RNF212B: variants seen among roughly 807,000 people sequenced by gnomAD.
RNF212B encodes the protein ring finger protein 212B.
A neutral mutation model predicts 55.5 loss-of-function variants in RNF212B; 52 were observed. The ratio of observed to expected loss-of-function variants is 0.94; its 90% CI spans 0.75 to 1.18. The LOEUF (loss-of-function observed/expected upper bound fraction) is 1.18. Among genes scored for constraint, RNF212B ranks in the 50% most tolerant of loss-of-function variants. RNF212B has a pLI of 0.00. For missense variants in RNF212B, 289 were observed against 350.4 expected, an observed-to-expected ratio of 0.82 and a Z score of 1.40; for synonymous variants, 99 against 121.4, an observed-to-expected ratio of 0.82 and a Z score of 1.21.
At chr14:23,263,762 C>T (rs974125553) in intron 9 of RNF212B, among the ~76,000 whole-genome samples, 2 of 152,016 alleles carry the variant, frequency 1.3e-5, no homozygotes, top group African/African-American at 2.4e-5. Context: ...CCAAAAAAAA[C>T]GAGTGTTCTG....
chr14:23,191,348 CAAA>C (rs776652211), intron 1 of RNF212B, among the ~76,000 whole-genome samples: 3 of 48,172 alleles, frequency 6.2e-5, no homozygotes, highest in Non-Finnish European at 1.2e-4. Context: ...GACCCTGTCT[CAAA>C]AAAAAAAAAA....
chr14:23,251,611 T>G (rs1594933954), intron 4 of RNF212B, among the ~76,000 whole-genome samples: 1 of 151,118 alleles, frequency 6.6e-6, no homozygotes, highest in Non-Finnish European at 1.5e-5. Context: ...AGGTCAGGAG[T>G]TCGAGACCAG....
At chr14:23,199,084 G>A (rs1156425358) in intron 2 of RNF212B, among the ~76,000 whole-genome samples, 1 of 152,172 alleles carries the variant, frequency 6.6e-6, no homozygotes, top group Non-Finnish European at 1.5e-5. Context: ...AAAATACTGT[G>A]AACTCTGAAA....
intron 6 of RNF212B, among the ~76,000 whole-genome samples, chr14:23,260,427 CAT>C (rs1023073651): frequency 6.6e-6 from 1 of 152,220 alleles, no homozygotes; most frequent in Admixed American, 6.5e-5. Context: ...TATTTCCCCA[CAT>C]ATGTTAGTCT....
At position 23,239,993 on chromosome 14, in the gene RNF212B, A is replaced by AACAC. The variant is rs35948084; in HGVS notation, c.-1-331_-1-328dup. On this transcript the variant is annotated intron_variant, in intron 1 of 14. Transcript: ENST00000430154. ...CCTGGGGGAAAAAAAAGTAAAGGAA[A>AACAC]ACACACACACACACACACACACACT... 8.4e-3 allele frequency among the ~76,000 whole-genome samples: 1,224 copies of AACAC among 145,582 alleles called. 10 individuals carry two copies. Among genetic ancestry groups the AACAC allele is most frequent in the African/African-American group, 0.026 (1,047 of 39,900 alleles).
chr14:23,214,020 G>A (rs1182695829), intron 2 of RNF212B, among the ~76,000 whole-genome samples: 1 of 152,194 alleles, frequency 6.6e-6, no homozygotes, highest in Non-Finnish European at 1.5e-5. Context: ...CTGCTTGAGA[G>A]GCTAGCACAG....
At position 23,268,948 on chromosome 14, in the gene RNF212B, A is replaced by G. The variant is rs1458922175; in HGVS notation, c.659A>G (p.His220Arg). The change falls in exon 12 of 15, where the codon CAT (histidine) becomes CGT (arginine). Residue 220 changes from histidine to arginine, a missense_variant. By Grantham distance (29) the His-to-Arg change is conservative. Coordinates refer to ENST00000430154, the MANE Select transcript of RNF212B (RefSeq NM_001282322.3). ...YNETPSPASTHSLSYRTSSAS... is the reference protein window; with the variant it reads ...YNETPSPASTRSLSYRTSSAS... ...GAAACCCCTTCACCGGCTTCAACTC[A>G]TAGCCTATCTTATAGGTCAGTAACA... 1.3e-6 allele frequency: 2 copies of G among 1,550,484 alleles called. No homozygotes were observed. Among genetic ancestry groups the G allele is most frequent in the Non-Finnish European group, 1.7e-6 (2 of 1,146,624 alleles).
intron 4 of RNF212B, among the ~76,000 whole-genome samples, chr14:23,254,312 C>G (rs911927383): frequency 7.0e-6 from 1 of 142,698 alleles, no homozygotes; most frequent in South Asian, 2.2e-4. Flanking sequence ...CAAAACAAAA[C>G]AAAACAAAAA....
intron 2 of RNF212B, among the ~76,000 whole-genome samples, chr14:23,201,824 C>T (rs759088744): frequency 6.6e-6 from 1 of 152,140 alleles, no homozygotes; most frequent in African/African-American, 2.4e-5. Flanking sequence ...ATTTTCTAAA[C>T]CTGAAGCCCT....
At chr14:23,190,849 C>A (rs77865500) in intron 1 of RNF212B, among the ~76,000 whole-genome samples, 139 of 152,342 alleles carry the variant, frequency 9.1e-4, no homozygotes, top group African/African-American at 3.2e-3. Context: ...TCATACCCTT[C>A]TCTTCCTTTC....
At chr14:23,221,590 T>C (rs1881584923) in intron 2 of RNF212B, among the ~76,000 whole-genome samples, 1 of 152,122 alleles carries the variant, frequency 6.6e-6, no homozygotes, top group African/African-American at 2.4e-5. Context: ...ATCTCCCAGG[T>C]AGAAAATCAA....
chr14:23,226,723 G>T (rs1223784824), intron 2 of RNF212B, among the ~76,000 whole-genome samples: 1 of 151,738 alleles, frequency 6.6e-6, no homozygotes, highest in Non-Finnish European at 1.5e-5. Flanking sequence ...GACCAGTCTC[G>T]TCTTATCTCG....
rs1351480879 is a variant in RNF212B, at chr14:23,238,770, T to TC, written c.-2+715_-2+716insC. Among the ~76,000 whole-genome samples the TC allele has an allele frequency of 7.3e-3, 1,058 of 145,494 alleles. 16 individuals are homozygous for TC. Among genetic ancestry groups the TC allele is most frequent in the East Asian group, 0.038 (187 of 4,982 alleles). On this transcript the variant is annotated intron_variant, in intron 1 of 14. Coordinates refer to ENST00000430154, the MANE Select transcript of RNF212B (RefSeq NM_001282322.3). The stretch of plus-strand genomic sequence containing the variant: ...ATAATAATAATAATAATAATAATAA[T>TC]AATAATAATAATCCCACAAAGAAAC...
intron 1 of RNF212B, among the ~76,000 whole-genome samples, chr14:23,191,078 G>A (rs1242290231): frequency 6.6e-6 from 1 of 152,164 alleles, no homozygotes; most frequent in Non-Finnish European, 1.5e-5. Flanking sequence ...CGCAGGCTGC[G>A]CGCAGTGGCT....
At chr14:23,252,358 C>T (rs563009836) in intron 4 of RNF212B, among the ~76,000 whole-genome samples, 2 of 152,036 alleles carry the variant, frequency 1.3e-5, no homozygotes, top group African/African-American at 4.8e-5. Flanking sequence ...TCAAAAGATC[C>T]CCCTCAAAAT....
At chr14:23,206,222 A>G (rs6573044) in intron 2 of RNF212B, among the ~76,000 whole-genome samples, 151,528 of 152,200 alleles carry the variant, frequency 1, 75,433 homozygotes, top group Middle Eastern at 1. Flanking sequence ...TTATAGGTGC[A>G]CACCACCATG....
intron 1 of RNF212B, among the ~76,000 whole-genome samples, chr14:23,189,723 T>G (rs983131956): frequency 2.0e-5 from 3 of 152,092 alleles, no homozygotes; most frequent in Non-Finnish European, 4.4e-5. Context: ...GTAGGAGGAT[T>G]GCTTGAGCCA....
At chr14:23,208,426 G>A (rs185034149) in intron 2 of RNF212B, among the ~76,000 whole-genome samples, 47 of 152,248 alleles carry the variant, frequency 3.1e-4, no homozygotes, top group Middle Eastern at 3.4e-3. Flanking sequence ...GAGCCCAGGA[G>A]TTCAAGACTG....
chr14:23,242,723 A>C (rs1291262287), intron 2 of RNF212B, among the ~76,000 whole-genome samples: 1 of 152,086 alleles, frequency 6.6e-6, no homozygotes, highest in Non-Finnish European at 1.5e-5. Flanking sequence ...TTATAAACTC[A>C]CCACTTTGCG....
Sources: allele counts gnomAD v4.1 joint callset (sites outside exome capture counted in the v4.1 genomes callset), GRCh38; gene constraint gnomAD v4.1.1; transcripts MANE v1.5; gene names NCBI Gene and HGNC (gene_info 2026-07-23, HGNC 2026-07-21).